SYTL2: variants seen among roughly 807,000 people sequenced by gnomAD.
The protein encoded by SYTL2 is synaptotagmin like 2.
A neutral mutation model predicts 198.7 loss-of-function variants in SYTL2; 165 were observed. The ratio of observed to expected loss-of-function variants is 0.83; its 90% CI spans 0.73 to 0.94. The LOEUF (loss-of-function observed/expected upper bound fraction) is 0.94, where lower values mean the gene tolerates loss of function less well. Ranked by LOEUF, SYTL2 falls within the 40% of genes least tolerant of loss-of-function variation. SYTL2 has a pLI of 0.00. For synonymous variants in SYTL2, 966 were observed against 917.7 expected (o/e 1.05, Z -0.95); for missense variants, 2,835 against 2,582.8 (o/e 1.10, Z -2.12).
rs772132392 is a variant in SYTL2 at position 85,727,794 on chromosome 11, C to CT, written c.1563dup (p.Val522SerfsTer6). 1 of 1,599,156 alleles carries CT rather than the reference C, an allele frequency of 6.3e-7. No individual in the cohort carries two copies. The highest frequency in any genetic ancestry group is 8.5e-7 in the Non-Finnish European group (1 of 1,172,728). ...GAACTTCGGTTAAACCAGTCTAGAA[C>CT]TTTAAATATGGAATCATCAGTTGAC... On this transcript the variant is annotated frameshift_variant, in exon 8 of 20. Coordinates refer to ENST00000359152, the MANE Select transcript of SYTL2 (RefSeq NM_206927.4). LOFTEE classifies it high-confidence loss of function.
chr11:85,803,332 T>C (rs1383351654), intron 1 of SYTL2, among the ~76,000 whole-genome samples: 1 of 152,230 alleles, frequency 6.6e-6, no homozygotes, highest in Non-Finnish European at 1.5e-5. Flanking sequence ...TTCTTCAGTA[T>C]ATTCCCTCTC....
Position 85,727,483 on chromosome 11 carries a change from CT to C in SYTL2, c.1874del (p.Lys625ArgfsTer88), listed in dbSNP as rs1484121426. 2 of 1,536,034 alleles carry C rather than the reference CT, an allele frequency of 1.3e-6. No individual in the cohort carries two copies. Among genetic ancestry groups the C allele is most frequent in the South Asian group, 2.4e-5 (2 of 84,016 alleles). On this transcript the variant is annotated frameshift_variant, in exon 8 of 20. Coordinates refer to ENST00000359152, the MANE Select transcript of SYTL2 (RefSeq NM_206927.4). LOFTEE classifies it high-confidence loss of function. ...FMNLSQKGTP[K>X]EGPGILQPFE... ...ATGGTTGCAATATACCTGGGCCTTCCTTTGGGGTGCCTTTTTGGGACAAATT... is the reference window on the plus strand; with the variant it reads ...ATGGTTGCAATATACCTGGGCCTTCCTTGGGGTGCCTTTTTGGGACAAATT...
At chr11:85,752,930 A>AAAC (rs2091612039) in intron 2 of SYTL2, among the ~76,000 whole-genome samples, 1 of 132,056 alleles carries the variant, frequency 7.6e-6, no homozygotes, top group East Asian at 2.1e-4. Flanking sequence ...AAAAAAAAAA[A>AAAC]AAAAAAAAAA....
intron 4 of SYTL2, among the ~76,000 whole-genome samples, chr11:85,741,468 T>G (rs1218007218): frequency 6.6e-6 from 1 of 152,210 alleles, no homozygotes; most frequent in African/African-American, 2.4e-5. Flanking sequence ...GTGAAACTAT[T>G]CTTACTACAA....
At chr11:85,787,695 C>CCTTTTTTTTTTTTTTTTTTTTTTTTTTTT (rs1566023900) in intron 1 of SYTL2, among the ~76,000 whole-genome samples, 1 of 102,694 alleles carries the variant, frequency 9.7e-6, no homozygotes, top group Non-Finnish European at 2.0e-5. Context: ...GTTTTTTTTT[C>CCTTTTTTTTTTTTTTTTTTTTTTTTTTTT]TTTTCCTTTT....
At chr11:85,782,671 C>G (rs573269670) in intron 1 of SYTL2, among the ~76,000 whole-genome samples, 1 of 152,170 alleles carries the variant, frequency 6.6e-6, no homozygotes, top group East Asian at 1.9e-4. Context: ...GCATTCAGGT[C>G]ACATCTTGAA....
the SYTL2 span, among the ~76,000 whole-genome samples, chr11:85,828,420 G>A: frequency 0.015 from 2,298 of 152,146 alleles, 47 homozygotes; most frequent in African/African-American, 0.05. Flanking sequence ...TGATTCAACC[G>A]GTTAACTCAA....
intron 2 of SYTL2, among the ~76,000 whole-genome samples, chr11:85,755,085 A>C (rs1025240765): frequency 3.3e-5 from 5 of 152,204 alleles, no homozygotes; most frequent in Non-Finnish European, 5.9e-5. Context: ...GACAAACAGC[A>C]ATGGAATGGA....
chr11:85,734,410 T>C lies in SYTL2; in HGVS notation c.919A>G (p.Ile307Val), dbSNP rs77076792. Residue 307 changes from isoleucine to valine, a missense_variant, in exon 7 of 20, where the codon ATC (isoleucine) becomes GTC (valine). Transcript: ENST00000359152. ...TCCTTCTCAGAAATTCTCTCATGGA[T>C]GGTTAGGCCAGGTGACACAATTTTG... ...KSKIVSPGLT[I>V]HERISEKEHS... 4,536 of 1,614,178 alleles carry C rather than the reference T, an allele frequency of 2.8e-3. 95 individuals are homozygous for C. The African/African-American group carries it at 0.054, about 19-fold the overall frequency.
At chr11:85,767,416 A>G (rs2092264683) in intron 1 of SYTL2, among the ~76,000 whole-genome samples, 1 of 152,206 alleles carries the variant, frequency 6.6e-6, no homozygotes, top group Admixed American at 6.5e-5. Flanking sequence ...ACAGATGAAT[A>G]TCAGATTTAA....
rs2090156874 is a variant in SYTL2, at chr11:85,734,633, C to T, written c.696G>A (p.Lys232=). 1.2e-6 allele frequency: 2 copies of T among 1,614,156 alleles called. No individual in the cohort carries two copies. Among genetic ancestry groups the T allele is most frequent in the African/African-American group, 2.7e-5 (2 of 75,028 alleles). Residue 232 remains lysine, a synonymous_variant, in exon 7 of 20, where the codon AAG becomes AAA. Coordinates refer to ENST00000359152, the MANE Select transcript of SYTL2 (RefSeq NM_206927.4). ...TCTTCCTGGCTTTGGGGATTGGAGC[C>T]TTGATTTGGGACCCATTTGAAAGGC... The part of the protein sequence containing the change: ...LPGLSNGSQI[K]APIPKARKMI...
At chr11:85,791,819 G>A (rs957892004) in intron 1 of SYTL2, among the ~76,000 whole-genome samples, 1 of 152,042 alleles carries the variant, frequency 6.6e-6, no homozygotes, top group Non-Finnish European at 1.5e-5. Flanking sequence ...CATAAGGAAG[G>A]GAATACATGC....
chr11:85,736,588 T>A lies in SYTL2; in HGVS notation c.499A>T (p.Lys167Ter). Residue 167 changes from lysine to a stop codon, truncating the protein, a stop_gained, in exon 6 of 20, where the codon AAG becomes TAG. Coordinates refer to ENST00000359152, the MANE Select transcript of SYTL2 (RefSeq NM_206927.4). LOFTEE classifies it high-confidence loss of function. ...TGTGATGAGTGACCTTCTGGCAACT[T>A]GGAGCTATTAAACGGATTCTTCCTC... The part of the protein sequence containing the change: ...KQRKNPFNSS[K>*]LPEGHSSQQT... 1 of 1,602,012 alleles carries A rather than the reference T, an allele frequency of 6.2e-7. No homozygotes were observed. Among genetic ancestry groups the A allele is most frequent in the Non-Finnish European group, 8.5e-7 (1 of 1,170,626 alleles).
intron 1 of SYTL2, among the ~76,000 whole-genome samples, chr11:85,801,382 A>G (rs1157628239): frequency 6.6e-6 from 1 of 152,208 alleles, no homozygotes. Flanking sequence ...AAGGTAAGAC[A>G]TATTTATATT....
At chr11:85,756,201 T>C (rs1565990708) in intron 2 of SYTL2, among the ~76,000 whole-genome samples, 2 of 152,192 alleles carry the variant, frequency 1.3e-5, no homozygotes, top group African/African-American at 4.8e-5. Context: ...GAGGCTCTAA[T>C]GCCTGGGTTA....
At chr11:85,783,017 C>T (rs184365092) in intron 1 of SYTL2, among the ~76,000 whole-genome samples, 16 of 152,310 alleles carry the variant, frequency 1.1e-4, no homozygotes, top group African/African-American at 2.2e-4. Context: ...GTTCCAAAGC[C>T]GCTTCCACAT....
intron 4 of SYTL2, among the ~76,000 whole-genome samples, chr11:85,741,441 G>A (rs1456275518): frequency 6.6e-6 from 1 of 152,130 alleles, no homozygotes; most frequent in Non-Finnish European, 1.5e-5. Flanking sequence ...AAAAGTATGA[G>A]GCATTTTTAT....
At chr11:85,834,382 G>A in the SYTL2 span, among the ~76,000 whole-genome samples, 1 of 151,806 alleles carries the variant, frequency 6.6e-6, no homozygotes, top group Non-Finnish European at 1.5e-5. Flanking sequence ...AGTCAAATCT[G>A]TCCATCCTTT....
chr11:85,811,635 G>A (rs575561747), upstream of SYTL2, among the ~76,000 whole-genome samples: 14 of 152,092 alleles, frequency 9.2e-5, no homozygotes, highest in South Asian at 2.9e-3. Flanking sequence ...AAGAAGGGGG[G>A]AAAAAAGTTG....
Sources: allele counts gnomAD v4.1 joint callset (sites outside exome capture counted in the v4.1 genomes callset), GRCh38; gene constraint gnomAD v4.1.1; transcripts MANE v1.5; gene names NCBI Gene and HGNC (gene_info 2026-07-23, HGNC 2026-07-21).